Variants in EPHA4 observed in about 807,000 individuals in gnomAD.
EPHA4 encodes the protein ephrin type-A receptor 4.
Under a neutral mutation model 108.3 loss-of-function variants are expected in EPHA4, and 19 were observed. The ratio of observed to expected loss-of-function variants is 0.18; its 90% CI spans 0.12 to 0.26. The LOEUF is 0.26. EPHA4 is among the 10% of genes least tolerant of loss of function. EPHA4 has a pLI of 1.00. For missense variants in EPHA4, 917 were observed against 1,254.0 expected (o/e 0.73, Z 4.06); for synonymous variants, 449 against 455.5 (o/e 0.99, Z 0.18).
chr2:221,503,731 T>C (rs1437781530), intron 3 of EPHA4, among the ~76,000 whole-genome samples: 1 of 152,254 alleles, frequency 6.6e-6, no homozygotes, highest in African/African-American at 2.4e-5. Flanking sequence ...CATTGTGCTA[T>C]TCTCGGCAGC....
intron 3 of EPHA4, chr2:221,533,056 G>A (rs1410147777): frequency 6.6e-6 from 1 of 152,144 alleles, no homozygotes; most frequent in Non-Finnish European, 1.5e-5. Context: ...TTGTTTAGTT[G>A]GAACAGGGAG....
intron 8 of EPHA4, among the ~76,000 whole-genome samples, chr2:221,453,766 G>A (rs912212757): frequency 6.6e-6 from 1 of 152,144 alleles, no homozygotes. Flanking sequence ...CAATGAACAC[G>A]GTGTAAAACA....
chr2:221,454,231 A>G (rs1395301883), intron 8 of EPHA4, among the ~76,000 whole-genome samples: 2 of 151,958 alleles, frequency 1.3e-5, no homozygotes, highest in African/African-American at 4.8e-5. Context: ...GGGACCATCC[A>G]GGCAAACTAG....
At chr2:221,523,101 T>C (rs1379218844) in intron 3 of EPHA4, among the ~76,000 whole-genome samples, 1 of 151,822 alleles carries the variant, frequency 6.6e-6, no homozygotes, top group Non-Finnish European at 1.5e-5. Flanking sequence ...ATGCAGCATT[T>C]GAAAACCCCA....
At chr2:221,449,612 A>T (rs1345691513) in intron 8 of EPHA4, among the ~76,000 whole-genome samples, 2 of 152,178 alleles carry the variant, frequency 1.3e-5, no homozygotes, top group African/African-American at 2.4e-5. Flanking sequence ...ACATGGTAAT[A>T]AGGGTATTAG....
intron 3 of EPHA4, among the ~76,000 whole-genome samples, chr2:221,547,716 G>A (rs760198698): frequency 5.1e-4 from 78 of 152,262 alleles, no homozygotes; most frequent in Admixed American, 1.6e-3. Context: ...GGCACTGGGG[G>A]AAAGTTTCTT....
At chr2:221,559,825 G>A (rs911356600) in intron 3 of EPHA4, among the ~76,000 whole-genome samples, 2 of 152,138 alleles carry the variant, frequency 1.3e-5, no homozygotes, top group Admixed American at 6.5e-5. Context: ...GCTAACTCCT[G>A]CGATACATTC....
At chr2:221,440,453 A>C (rs1690384739) in intron 11 of EPHA4, among the ~76,000 whole-genome samples, 1 of 152,220 alleles carries the variant, frequency 6.6e-6, no homozygotes, top group Admixed American at 6.5e-5. Context: ...TCTTTTAATT[A>C]AAGTAGTGAA....
At chr2:221,452,003 A>T (rs530170205) in intron 8 of EPHA4, among the ~76,000 whole-genome samples, 399 of 152,336 alleles carry the variant, frequency 2.6e-3, no homozygotes, top group African/African-American at 9.2e-3. Flanking sequence ...TATAAAAAAA[A>T]TCTAGCAAGA....
chr2:221,569,786 G>A (rs980145707), intron 1 of EPHA4, among the ~76,000 whole-genome samples: 4 of 151,998 alleles, frequency 2.6e-5, no homozygotes, highest in African/African-American at 9.7e-5. Flanking sequence ...CCGTGCTCAT[G>A]CGCACCCCAA....
chr2:221,557,375 T>C (rs1040468261), intron 3 of EPHA4, among the ~76,000 whole-genome samples: 8 of 152,014 alleles, frequency 5.3e-5, no homozygotes, highest in African/African-American at 1.9e-4. Context: ...TGTCACCATA[T>C]TTCTATCTAA....
intron 3 of EPHA4, among the ~76,000 whole-genome samples, chr2:221,538,906 C>CT (rs1427481763): frequency 6.6e-6 from 1 of 152,138 alleles, no homozygotes; most frequent in Non-Finnish European, 1.5e-5. Context: ...GAATAGGACT[C>CT]TATGTACTGT....
At position 221,531,426 on chromosome 2, in the gene EPHA4, A is replaced by G. The variant is rs561375939; in HGVS notation, c.824-30254T>C. Among the ~76,000 whole-genome samples, 113 of 152,244 alleles carry G rather than the reference A, an allele frequency of 7.4e-4. No homozygotes were observed. The Middle Eastern group carries it at 0.024, about 32-fold the overall frequency. On this transcript the variant is annotated intron_variant, in intron 3 of 17. Coordinates refer to ENST00000281821, the MANE Select transcript of EPHA4 (RefSeq NM_004438.5). ...AAAATCCTCTTTCAAAGAATTTTGT[A>G]TTGTTTAATTTTTACAAAATTCCTG...
chr2:221,533,240 C>G (rs1267011700), intron 3 of EPHA4, among the ~76,000 whole-genome samples: 1 of 152,276 alleles, frequency 6.6e-6, no homozygotes, highest in East Asian at 1.9e-4. Context: ...AGCCCCATAG[C>G]TCCAAAAACT....
chr2:221,423,667 G>A (rs1034432337), intron 17 of EPHA4, among the ~76,000 whole-genome samples: 1 of 151,896 alleles, frequency 6.6e-6, no homozygotes, highest in Non-Finnish European at 1.5e-5. Flanking sequence ...ATGTTGTTAG[G>A]CTATTTCAGA....
chr2:221,481,426 C>T (rs937796031), intron 5 of EPHA4, among the ~76,000 whole-genome samples: 7 of 139,638 alleles, frequency 5.0e-5, no homozygotes, highest in South Asian at 2.2e-4. Context: ...CCAAGGTGGG[C>T]GGATCACGAG....
In EPHA4 at chr2:221,537,049, C is replaced by T. The variant is rs191745235; in HGVS notation, c.823+26682G>A. 1.1e-4 allele frequency among the ~76,000 whole-genome samples: 17 copies of T among 152,300 alleles called. No individual in the cohort carries two copies. The South Asian group carries it at 1.7e-3, about 15-fold the overall frequency. ...AAGAGAGAGAGAGAAATCTCTATGC[C>T]GTGGGACTTTGAATGCATTTGTGAA... On this transcript the variant is annotated intron_variant, in intron 3 of 17. Transcript: ENST00000281821.
intron 4 of EPHA4, among the ~76,000 whole-genome samples, chr2:221,500,255 G>A (rs1692449747): frequency 6.6e-6 from 1 of 152,138 alleles, no homozygotes; most frequent in Non-Finnish European, 1.5e-5. Context: ...TGTGGAAGGT[G>A]TCTGACCTGA....
rs113714057 is a variant in EPHA4, at chr2:221,498,351, A to C, written c.979+2666T>G. Reference sequence around the variant, plus strand: ...GGGCCATCCTCAAAATGTCAGCCTCAAACACTTCCCCTTGAGTTTACTATT... The same window carrying C: ...GGGCCATCCTCAAAATGTCAGCCTCCAACACTTCCCCTTGAGTTTACTATT... On this transcript the variant is annotated intron_variant, in intron 4 of 17. Transcript: ENST00000281821. Among the ~76,000 whole-genome samples, 301 of 152,350 alleles carry C rather than the reference A, an allele frequency of 2.0e-3. 1 individual carries two copies. Among genetic ancestry groups the C allele is most frequent in the African/African-American group, 6.9e-3 (285 of 41,588 alleles).
Sources: gnomAD v4.1 joint callset for allele counts (sites outside exome capture counted in the v4.1 genomes callset) on GRCh38, gnomAD v4.1.1 for gene constraint, MANE v1.5 for transcripts, NCBI Gene and HGNC (gene_info 2026-07-23, HGNC 2026-07-21) for gene names.